The following SLC25A48 variants were observed in gnomAD, a reference collection of about 807,000 sequenced individuals.
SLC25A48 encodes CTC-321K16.1.
Under a neutral mutation model 32.2 loss-of-function variants are expected in SLC25A48, and 29 were observed. The observed-to-expected ratio is 0.90, with a 90% confidence interval of 0.67 to 1.23. SLC25A48 has a LOEUF of 1.23. SLC25A48 is among the 50% of genes most tolerant of loss of function. The probability of loss-of-function intolerance (pLI) is 0.00; values close to 1 mark genes in which losing one functional copy is unlikely to be tolerated. For missense variants in SLC25A48, 399 were observed against 422.7 expected (o/e 0.94, Z 0.49); for synonymous variants, 164 against 172.3 (o/e 0.95, Z 0.38).
rs1264301205 is a variant in SLC25A48 at position 135,733,385 on chromosome 5, G to A, written c.-520-79138G>A. On this transcript the variant is annotated intron_variant, in intron 3 of 10. Coordinates refer to the SLC25A48 transcript ENST00000646290. ...GTCATGGGGGTCAGGTGTGGTATCTGGAATAATGTGGGAGGCCGGATTGAA... is the reference window on the plus strand; with the variant it reads ...GTCATGGGGGTCAGGTGTGGTATCTAGAATAATGTGGGAGGCCGGATTGAA... Among the ~76,000 whole-genome samples, 2 of 152,174 alleles carry A rather than the reference G, an allele frequency of 1.3e-5. 1 individual carries two copies. Among genetic ancestry groups the A allele is most frequent in the Middle Eastern group, 6.3e-3 (2 of 316 alleles).
At chr5:135,652,312 T>C (rs559879524) in intron 3 of SLC25A48, 15 of 449,920 alleles carry the variant, frequency 3.3e-5, no homozygotes, top group Middle Eastern at 3.3e-4. Context: ...AGGCAGAGAT[T>C]TGTCACCATG....
At chr5:135,728,137 T>C (rs1044554321) in intron 3 of SLC25A48, among the ~76,000 whole-genome samples, 4 of 151,624 alleles carry the variant, frequency 2.6e-5, no homozygotes, top group South Asian at 2.1e-4. Flanking sequence ...GCGCCTGTAG[T>C]CCTAGCTACT....
At chr5:135,684,480 G>A (rs4489057) in intron 3 of SLC25A48, among the ~76,000 whole-genome samples, 113,527 of 152,026 alleles carry the variant, frequency 0.75, 42,948 homozygotes, top group Middle Eastern at 0.85. Flanking sequence ...TTGCAGTCTC[G>A]ACAGAGGCCT....
chr5:135,579,786 G>A (rs371043076), intron 1 of SLC25A48, among the ~76,000 whole-genome samples: 18 of 152,292 alleles, frequency 1.2e-4, no homozygotes, highest in African/African-American at 3.4e-4. Flanking sequence ...AGTGGAGAGC[G>A]ATGACAGTGG....
At chr5:135,869,469 G>T (rs1163863983) in intron 4 of SLC25A48, among the ~76,000 whole-genome samples, 1 of 152,174 alleles carries the variant, frequency 6.6e-6, no homozygotes, top group East Asian at 1.9e-4. Context: ...GGTTTGGTGG[G>T]TGTTTTCCCA....
At chr5:135,685,323 A>G (rs2126953701) in intron 3 of SLC25A48, among the ~76,000 whole-genome samples, 1 of 150,502 alleles carries the variant, frequency 6.6e-6, no homozygotes, top group Admixed American at 6.6e-5. Context: ...GAAATTTTAT[A>G]TATTTTGAAA....
chr5:135,751,034 A>G (rs946596605), intron 3 of SLC25A48, among the ~76,000 whole-genome samples: 17 of 152,342 alleles, frequency 1.1e-4, no homozygotes, highest in African/African-American at 4.1e-4. Context: ...ACACATGAGA[A>G]GAATCCAGCC....
intron 1 of SLC25A48, among the ~76,000 whole-genome samples, chr5:135,600,802 C>G (rs1257668788): frequency 6.6e-6 from 1 of 151,928 alleles, no homozygotes; most frequent in Admixed American, 6.6e-5. Context: ...CCTGCCTCAG[C>G]CTCCCGAGCA....
intron 4 of SLC25A48, among the ~76,000 whole-genome samples, chr5:135,819,663 A>C (rs984703661): frequency 6.6e-6 from 1 of 152,212 alleles, no homozygotes; most frequent in Non-Finnish European, 1.5e-5. Context: ...TGTTATCCTG[A>C]CCATGGTGAT....
At position 135,835,678 on chromosome 5, in the gene SLC25A48, T is replaced by TAAAAAAAA. The variant is rs35114794; in HGVS notation, c.46+804_46+811dup. 5.4e-4 allele frequency among the ~76,000 whole-genome samples: 38 copies of TAAAAAAAA among 70,386 alleles called. 1 individual carries two copies. In the East Asian group the frequency reaches 6.6e-3, roughly 12 times the overall value. The allele number at this position is 70,386 out of a possible 152,430, so 46.2% of individuals were successfully genotyped here. ...GAAGTTTGAGGGACTTTGCTAATTG[T>TAAAAAAAA]AAAAAAAAAAAAAAAAAAAAAAAAA... On this transcript the variant is annotated intron_variant, in intron 1 of 7. Transcript: ENST00000681962.
intron 3 of SLC25A48, among the ~76,000 whole-genome samples, chr5:135,791,894 C>T (rs1757039512): frequency 6.6e-6 from 1 of 151,626 alleles, no homozygotes; most frequent in Non-Finnish European, 1.5e-5. Context: ...AGGGTATGTA[C>T]ATTCTGTGAT....
At chr5:135,827,761 C>A (rs544515032) in intron 4 of SLC25A48, among the ~76,000 whole-genome samples, 1 of 151,608 alleles carries the variant, frequency 6.6e-6, no homozygotes, top group South Asian at 2.1e-4. Context: ...TCACTGCCCC[C>A]AAAGGAACAG....
intron 3 of SLC25A48, among the ~76,000 whole-genome samples, chr5:135,794,058 C>T (rs900781457): frequency 1.3e-5 from 2 of 151,830 alleles, no homozygotes; most frequent in Non-Finnish European, 2.9e-5. Flanking sequence ...AGGATTTGTA[C>T]ACCTCCCTTG....
At chr5:135,610,257 C>T (rs11749969) in intron 1 of SLC25A48, among the ~76,000 whole-genome samples, 13,564 of 152,148 alleles carry the variant, frequency 0.089, 610 homozygotes, top group South Asian at 0.15. Context: ...GCCCATCTCC[C>T]CTCTCTTGTA....
chr5:135,614,289 C>T (rs943316307), intron 1 of SLC25A48, among the ~76,000 whole-genome samples: 10 of 152,168 alleles, frequency 6.6e-5, no homozygotes, highest in African/African-American at 2.4e-4. Flanking sequence ...TACTCTACAA[C>T]ATTACTGAAT....
chr5:135,737,039 A>G (rs4639217), intron 3 of SLC25A48, among the ~76,000 whole-genome samples: 43,651 of 152,064 alleles, frequency 0.29, 6,460 homozygotes, highest in East Asian at 0.47. Flanking sequence ...AGGAGGACAG[A>G]GGATTGATCT....
chr5:135,696,983 T>G (rs1754282554), intron 3 of SLC25A48, among the ~76,000 whole-genome samples: 1 of 152,212 alleles, frequency 6.6e-6, no homozygotes, highest in East Asian at 1.9e-4. Context: ...GTAGGATAAT[T>G]GAATTTTTTA....
chr5:135,615,494 C>T (rs988592778), intron 1 of SLC25A48, among the ~76,000 whole-genome samples: 6 of 152,264 alleles, frequency 3.9e-5, no homozygotes, highest in African/African-American at 1.4e-4. Flanking sequence ...GAAGAAATTT[C>T]TAAGCAGCAA....
chr5:135,751,408 G>A (rs1367817776), intron 3 of SLC25A48, among the ~76,000 whole-genome samples: 1 of 152,128 alleles, frequency 6.6e-6, no homozygotes, highest in African/African-American at 2.4e-5. Flanking sequence ...GTTCCTTAGG[G>A]ACACAGACTG....
Sources: allele counts gnomAD v4.1 joint callset (sites outside exome capture counted in the v4.1 genomes callset), GRCh38; gene constraint gnomAD v4.1.1; transcripts MANE v1.5; gene names NCBI Gene and HGNC (gene_info 2026-07-23, HGNC 2026-07-21).